The following SPAG17 variants were observed in gnomAD, a reference collection of about 807,000 sequenced individuals.
SPAG17 encodes the protein sperm-associated antigen 17.
In SPAG17, 169 loss-of-function variants were observed where a neutral mutation model predicts 273.6. That is an observed-to-expected ratio of 0.62 (90% confidence interval 0.55 to 0.70). The LOEUF (loss-of-function observed/expected upper bound fraction) is 0.70, where lower values mean the gene tolerates loss of function less well. SPAG17 is among the 30% of genes least tolerant of loss of function. The pLI is 0.00. For synonymous variants in SPAG17, 825 were observed against 873.2 expected, an observed-to-expected ratio of 0.94 and a Z score of 0.97; for missense variants, 2,557 against 2,627.8, an observed-to-expected ratio of 0.97 and a Z score of 0.59.
At chr1:117,995,254 T>A (rs1229747082) in intron 34 of SPAG17, among the ~76,000 whole-genome samples, 1 of 152,106 alleles carries the variant, frequency 6.6e-6, no homozygotes, top group East Asian at 1.9e-4. Context: ...TCTGTTAGAT[T>A]CTCTCATAGA....
At chr1:118,034,831 A>T (rs1472361424) in intron 24 of SPAG17, among the ~76,000 whole-genome samples, 1 of 152,204 alleles carries the variant, frequency 6.6e-6, no homozygotes, top group Non-Finnish European at 1.5e-5. Context: ...TAAGATTAAG[A>T]TTCTTAATTT....
At chr1:118,008,925 G>T (rs892441587) in intron 30 of SPAG17, among the ~76,000 whole-genome samples, 1 of 151,882 alleles carries the variant, frequency 6.6e-6, no homozygotes, top group Non-Finnish European at 1.5e-5. Flanking sequence ...TTTCTATTCT[G>T]CCACTGATGG....
intron 3 of SPAG17, among the ~76,000 whole-genome samples, chr1:118,143,660 A>T (rs1173949080): frequency 1.3e-5 from 2 of 152,194 alleles, no homozygotes; most frequent in Admixed American, 6.5e-5. Context: ...ACCATATGTA[A>T]TTATTGATTT....
In SPAG17 at chr1:118,091,722, T is replaced by G; in HGVS notation, c.1247-4A>C. On this transcript the variant is annotated splice_region_variant and splice_polypyrimidine_tract_variant and intron_variant, in intron 9 of 48. Coordinates refer to ENST00000336338, the MANE Select transcript of SPAG17 (RefSeq NM_206996.4). The stretch of plus-strand genomic sequence containing the variant: ...TCAGTTGTGATGACTGAAGTCACTG[T>G]AAAATATAGAAAATACCATTGCCCA... The G allele has an allele frequency of 6.4e-7, 1 of 1,559,356 alleles. No individual in the cohort carries two copies. The highest frequency in any genetic ancestry group is 8.8e-7 in the Non-Finnish European group (1 of 1,131,684).
At chr1:117,955,284 A>G (rs1243406273) in intron 48 of SPAG17, 2 of 1,582,786 alleles carry the variant, frequency 1.3e-6, no homozygotes, top group Non-Finnish European at 1.7e-6. Context: ...AACCAAGAGT[A>G]TCACTAATGG....
In SPAG17 at chr1:118,015,953, A is replaced by G; in HGVS notation, c.4287+12T>C. The G allele has an allele frequency of 1.2e-6, 2 of 1,612,298 alleles. No individual in the cohort carries two copies. The highest frequency in any genetic ancestry group is 1.7e-6 in the Non-Finnish European group (2 of 1,178,636). ...CTTAGAAAATTTTGCAATAAACAAT[A>G]GTTTGTCATACCGTTCCATTGACAG... On this transcript the variant is annotated intron_variant, in intron 29 of 48. Transcript: ENST00000336338.
chr1:118,085,853 G>A lies in SPAG17; in HGVS notation c.1762+69C>T, dbSNP rs1654952134. The A allele has an allele frequency of 3.5e-6, 5 of 1,424,388 alleles. No individual in the cohort carries two copies. The African/African-American group carries it at 4.4e-5, about 13-fold the overall frequency. 88.2% of individuals were successfully genotyped at this position (1,424,388 alleles called of 1,614,324 possible). ...GAAAATACTTTTTGTAAATAAGGGT[G>A]TAATTTTAAGAGGCATATATGACCA... On this transcript the variant is annotated intron_variant, in intron 13 of 48. Coordinates refer to ENST00000336338, the MANE Select transcript of SPAG17 (RefSeq NM_206996.4).
At chr1:118,096,720 C>T (rs1215401170) in intron 7 of SPAG17, among the ~76,000 whole-genome samples, 1 of 152,202 alleles carries the variant, frequency 6.6e-6, no homozygotes, top group South Asian at 2.1e-4. Flanking sequence ...TTTTCTTTGT[C>T]TGAATTAGTA....
At chr1:117,987,787 A>C in intron 40 of SPAG17, 47 bp downstream of exon 40, 2 of 1,597,430 alleles carry the variant, frequency 1.3e-6, no homozygotes, top group South Asian at 1.1e-5. Context: ...TCAGTCTATT[A>C]CTCTGGGCCC....
rs149135002 is a variant in SPAG17 at position 118,004,778 on chromosome 1, C to T, written c.4776+636G>A. Among the ~76,000 whole-genome samples the T allele has an allele frequency of 7.6e-3, 1,165 of 152,338 alleles. 4 individuals carry two copies. The highest frequency in any genetic ancestry group is 0.012 in the Non-Finnish European group (825 of 68,026). ...GACACCTTGCACTTCCCAGGTGAGG[C>T]GGATGCCCTGCCCTGCTTCATCTTG... On this transcript the variant is annotated intron_variant, in intron 32 of 48. Coordinates refer to ENST00000336338, the MANE Select transcript of SPAG17 (RefSeq NM_206996.4).
At chr1:117,983,266 C>T (rs1656035289) in intron 42 of SPAG17, among the ~76,000 whole-genome samples, 2 of 152,126 alleles carry the variant, frequency 1.3e-5, no homozygotes, top group Non-Finnish European at 2.9e-5. Context: ...AAAGACCTGC[C>T]CCCATGATTC....
In SPAG17 at chr1:117,970,133, T is replaced by C; in HGVS notation, c.6327-17A>G. 1 of 1,606,134 alleles carries C rather than the reference T, an allele frequency of 6.2e-7. No homozygotes were observed. Among genetic ancestry groups the C allele is most frequent in the South Asian group, 1.1e-5 (1 of 89,346 alleles). The stretch of plus-strand genomic sequence containing the variant: ...ACTTTAAACCTACAAGGCAGAAAGA[T>C]AAAAATAAATTTATGACATAATGAA... On this transcript the variant is annotated splice_polypyrimidine_tract_variant and intron_variant, in intron 45 of 48. Transcript: ENST00000336338.
chr1:118,173,666 T>G (rs955346971), intron 1 of SPAG17, among the ~76,000 whole-genome samples: 3 of 152,098 alleles, frequency 2.0e-5, no homozygotes, highest in Admixed American at 1.3e-4. Context: ...ATGGGAGAAC[T>G]TTGTTTTTAT....
chr1:118,071,247 G>A (rs1557985506), intron 17 of SPAG17, among the ~76,000 whole-genome samples: 1 of 151,844 alleles, frequency 6.6e-6, no homozygotes, highest in Non-Finnish European at 1.5e-5. Flanking sequence ...TGTGAAAAAT[G>A]AAGACGAAAC....
At chr1:118,038,381 C>G (rs1005710816) in intron 23 of SPAG17, among the ~76,000 whole-genome samples, 1 of 152,112 alleles carries the variant, frequency 6.6e-6, no homozygotes, top group Non-Finnish European at 1.5e-5. Flanking sequence ...CCAACATGAA[C>G]ATACTCTTAC....
At chr1:118,180,463 A>G (rs994045064) in intron 1 of SPAG17, among the ~76,000 whole-genome samples, 3 of 152,080 alleles carry the variant, frequency 2.0e-5, no homozygotes, top group Non-Finnish European at 4.4e-5. Flanking sequence ...CAGGGCATAG[A>G]GTTTGCTTAA....
At position 118,031,845 on chromosome 1, in the gene SPAG17, T is replaced by C; in HGVS notation, c.3456A>G (p.Glu1152=). Residue 1152 remains glutamate, a synonymous_variant, in exon 25 of 49, where the codon GAA becomes GAG. Coordinates refer to ENST00000336338, the MANE Select transcript of SPAG17 (RefSeq NM_206996.4). The part of the protein sequence containing the change: ...MAPEDKDPDL[E]TILNIPSALT... ...GTGCTGAAGGGATATTCAATATTGT[T>C]TCTAAATCAGGATCCTTATCTTCTA... 2 of 1,603,644 alleles carry C rather than the reference T, an allele frequency of 1.2e-6. No individual in the cohort carries two copies. The highest frequency in any genetic ancestry group is 1.7e-6 in the Non-Finnish European group (2 of 1,175,074).
In SPAG17 at chr1:118,165,645, CT is replaced by C. The variant is rs5777341; in HGVS notation, c.88-14277del. ...TGTAAATTAAAAAAAAAAAAACTTT[CT>C]TTTTTTTTTTTTTTTTTGAGACGGA... On this transcript the variant is annotated intron_variant, in intron 1 of 48. Transcript: ENST00000336338. Among the ~76,000 whole-genome samples, 122 of 108,346 alleles carry C rather than the reference CT, an allele frequency of 1.1e-3. 1 individual carries two copies. The East Asian group carries it at 0.016, about 14-fold the overall frequency. The allele number at this position is 108,346 out of a possible 152,430, so 71.1% of individuals were successfully genotyped here. A position where few individuals can be genotyped will look rare whatever the true frequency, so the allele number is the denominator to read the frequency against.
chr1:118,175,787 C>T (rs769358818), intron 1 of SPAG17, among the ~76,000 whole-genome samples: 11 of 151,956 alleles, frequency 7.2e-5, no homozygotes, highest in Non-Finnish European at 1.2e-4. Flanking sequence ...AGGTATAAAA[C>T]CCACTAGTAA....
Sources: gnomAD v4.1 joint callset for allele counts (sites outside exome capture counted in the v4.1 genomes callset) on GRCh38, gnomAD v4.1.1 for gene constraint, MANE v1.5 for transcripts, NCBI Gene and HGNC (gene_info 2026-07-23, HGNC 2026-07-21) for gene names.